AKR1B15: variants seen among roughly 807,000 people sequenced by gnomAD.
AKR1B15 encodes the protein estradiol 17-beta-dehydrogenase AKR1B15.
In AKR1B15, 49 loss-of-function variants were observed where a neutral mutation model predicts 38.5. That is an observed-to-expected ratio of 1.27 (90% CI 1.01 to 1.62). The LOEUF is 1.62. Ranked by LOEUF, AKR1B15 falls within the 40% of genes most tolerant of loss-of-function variation. The pLI, the probability that AKR1B15 is intolerant of heterozygous loss-of-function variation, is 0.00. For missense variants in AKR1B15, 411 were observed against 381.6 expected (o/e 1.08, Z -0.64); for synonymous variants, 137 against 135.5 (o/e 1.01, Z -0.08).
intron 11 of AKR1B15, 59 bp from the exon 12 acceptor site, chr7:134,579,448 A>G: frequency 7.0e-7 from 1 of 1,427,746 alleles, no homozygotes; most frequent in South Asian, 1.3e-5. Flanking sequence ...ATACCTTCTC[A>G]GCGAGAGTTG....
chr7:134,563,303 C>T (rs1012201985), intron 2 of AKR1B15, among the ~76,000 whole-genome samples: 1 of 152,184 alleles, frequency 6.6e-6, no homozygotes, highest in Non-Finnish European at 1.5e-5. Context: ...AGGCACAGCT[C>T]ATGCCTGTAA....
chr7:134,552,867 C>G (rs556233679), intron 1 of AKR1B15, among the ~76,000 whole-genome samples: 1 of 152,106 alleles, frequency 6.6e-6, no homozygotes, highest in Non-Finnish European at 1.5e-5. Flanking sequence ...TTCCCCCACC[C>G]TTTTTAGGGA....
chr7:134,573,401 A>G (rs1047973519), intron 6 of AKR1B15: 8 of 985,318 alleles, frequency 8.1e-6, no homozygotes, highest in East Asian at 1.1e-4. Context: ...AAGTATGTCA[A>G]TGTACCCTGC....
chr7:134,549,515 G>A (rs1793892145), intron 1 of AKR1B15, among the ~76,000 whole-genome samples: 1 of 152,150 alleles, frequency 6.6e-6, no homozygotes, highest in Non-Finnish European at 1.5e-5. Context: ...TCAAGGGCTT[G>A]CGCTTGAATT....
chr7:134,551,563 T>G (rs920855970), intron 1 of AKR1B15, among the ~76,000 whole-genome samples: 6 of 152,138 alleles, frequency 3.9e-5, no homozygotes, highest in African/African-American at 1.4e-4. Flanking sequence ...CTTTTAGAGA[T>G]AGCCCAGAGA....
chr7:134,567,964 AC>A (rs1305711432), intron 3 of AKR1B15, among the ~76,000 whole-genome samples, 193 bp from the exon 4 acceptor site: 1 of 152,104 alleles, frequency 6.6e-6, no homozygotes, highest in Non-Finnish European at 1.5e-5. Context: ...GAGAAACTGG[AC>A]CGTGTGGGGC....
rs1794422542 is a variant in AKR1B15 at position 134,562,417 on chromosome 7, G to C, written c.-22-2181G>C. On this transcript the variant is annotated intron_variant, in intron 2 of 11. Coordinates refer to ENST00000457545, the MANE Select transcript of AKR1B15 (RefSeq NM_001080538.3). Reference sequence around the variant, plus strand: ...TTCCTGTTGATTGGTCCATTTTACAGAGTGCTGATTGGTCCATTTTACAGA... The same window carrying C: ...TTCCTGTTGATTGGTCCATTTTACACAGTGCTGATTGGTCCATTTTACAGA... Among the ~76,000 whole-genome samples, 4 of 150,682 alleles carry C rather than the reference G, an allele frequency of 2.7e-5. No homozygotes were observed. In the South Asian group the frequency reaches 8.4e-4, roughly 32 times the overall value.
At chr7:134,575,704 C>A in intron 7 of AKR1B15, 117 bp from the exon 8 acceptor site, 1 of 1,583,642 alleles carries the variant, frequency 6.3e-7, no homozygotes, top group Non-Finnish European at 8.6e-7. Flanking sequence ...TAGCAAGAAT[C>A]TCAGTGCGCA....
chr7:134,567,078 A>C (rs1311825796), intron 3 of AKR1B15, among the ~76,000 whole-genome samples: 1 of 152,212 alleles, frequency 6.6e-6, no homozygotes, highest in East Asian at 1.9e-4. Context: ...AGAAGGGTGT[A>C]GTATAGCGGT....
At chr7:134,551,734 C>T (rs761024386) in intron 1 of AKR1B15, among the ~76,000 whole-genome samples, 10 of 152,084 alleles carry the variant, frequency 6.6e-5, no homozygotes, top group Non-Finnish European at 1.2e-4. Flanking sequence ...CAGGGGACCC[C>T]GAGTCCCCAC....
chr7:134,561,247 T>C (rs1264397807), intron 2 of AKR1B15, among the ~76,000 whole-genome samples: 2 of 152,310 alleles, frequency 1.3e-5, no homozygotes, highest in East Asian at 1.9e-4. Context: ...GGAGTCTCTA[T>C]CTGTCACCCA....
In AKR1B15 at chr7:134,562,863, T is replaced by C. The variant is rs530221128; in HGVS notation, c.-22-1735T>C. Among the ~76,000 whole-genome samples the C allele has an allele frequency of 4.1e-5, 6 of 144,838 alleles. No homozygotes were observed. In the East Asian group the frequency reaches 5.9e-4, roughly 14 times the overall value. On this transcript the variant is annotated intron_variant, in intron 2 of 11. Coordinates refer to ENST00000457545, the MANE Select transcript of AKR1B15 (RefSeq NM_001080538.3). ...CTTTCTTTCTTTCTTTCTTTCTTTC[T>C]TTCTTTCTTTCTTTCTTTCTTTCTT...
chr7:134,579,381 G>A, intron 11 of AKR1B15, 126 bp from the exon 12 acceptor site: 1 of 760,026 alleles, frequency 1.3e-6, no homozygotes, highest in Non-Finnish European at 2.0e-6. Flanking sequence ...CCCTTCTTGT[G>A]TTCTTGCAGG....
At chr7:134,570,132 G>GA (rs1794636963) in intron 5 of AKR1B15, 2 of 152,484 alleles carry the variant, frequency 1.3e-5, no homozygotes, top group Non-Finnish European at 1.5e-5. Flanking sequence ...CTGCTCTGGG[G>GA]ACGGCTGTCT....
intron 3 of AKR1B15, chr7:134,565,274 A>G: frequency 2.6e-6 from 2 of 772,616 alleles, no homozygotes; most frequent in Non-Finnish European, 4.0e-6. Context: ...CGACACCACA[A>G]ACCCACCAGA....
chr7:134,559,681 C>T (rs776301355), intron 2 of AKR1B15, among the ~76,000 whole-genome samples: 7 of 152,168 alleles, frequency 4.6e-5, no homozygotes, highest in Non-Finnish European at 1.0e-4. Context: ...AGTAAAGCTT[C>T]TTATGGACAT....
At chr7:134,570,174 C>G (rs1287133819) in intron 5 of AKR1B15, 3 of 152,162 alleles carry the variant, frequency 2.0e-5, no homozygotes, top group African/African-American at 7.2e-5. Flanking sequence ...TGAAATAAGC[C>G]CCGGACTCCT....
At chr7:134,550,422 C>G (rs938770735) in intron 1 of AKR1B15, among the ~76,000 whole-genome samples, 1 of 152,064 alleles carries the variant, frequency 6.6e-6, no homozygotes, top group Non-Finnish European at 1.5e-5. Flanking sequence ...ATTTTGCTTT[C>G]GAGTCGTGGA....
intron 11 of AKR1B15, among the ~76,000 whole-genome samples, chr7:134,579,219 G>A (rs1204442195): frequency 2.0e-5 from 3 of 152,184 alleles, no homozygotes; most frequent in Non-Finnish European, 4.4e-5. Flanking sequence ...TGTTGTGAGA[G>A]TGGATTGGGA....
Sources: gnomAD v4.1 joint callset for allele counts (sites outside exome capture counted in the v4.1 genomes callset) on GRCh38, gnomAD v4.1.1 for gene constraint, MANE v1.5 for transcripts, NCBI Gene and HGNC (gene_info 2026-07-23, HGNC 2026-07-21) for gene names.